Variants in HADH observed in about 807,000 individuals in gnomAD.
The protein encoded by HADH is hydroxyacyl-CoA dehydrogenase.
HADH carries 24 observed loss-of-function variants against 32.2 expected under a neutral mutation model. That is an observed-to-expected ratio of 0.75 (90% CI 0.54 to 1.05). HADH has a LOEUF of 1.05. Among genes scored for constraint, HADH ranks in the 50% least tolerant of loss-of-function variants. The pLI, the probability that HADH is intolerant of heterozygous loss-of-function variation, is 0.00. For synonymous variants in HADH, 139 were observed against 152.5 expected (o/e 0.91, Z 0.65); for missense variants, 350 against 397.1 (o/e 0.88, Z 1.01).
In HADH at chr4:107,989,892, C is replaced by G; in HGVS notation, c.-41C>G. The G allele has an allele frequency of 6.2e-7, 1 of 1,605,018 alleles. No homozygotes were observed. ...CGCGGCTGCCCGCCTCGCGCGTCTT[C>G]CCTGCCCGGGTCTCCTCGCTGTCGC... On this transcript the variant is annotated 5_prime_UTR_variant, in exon 1 of 8. Coordinates refer to ENST00000309522, the MANE Select transcript of HADH (RefSeq NM_005327.7).
intron 2 of HADH, among the ~76,000 whole-genome samples, chr4:108,010,674 A>G (rs1022091881): frequency 1.2e-4 from 18 of 152,174 alleles, no homozygotes; most frequent in African/African-American, 4.1e-4. Context: ...ATGGTAGAAT[A>G]TATAACATAA....
At chr4:108,022,165 ATATGTGTGTG>A (rs1309778941) in intron 4 of HADH, among the ~76,000 whole-genome samples, 2 of 121,240 alleles carry the variant, frequency 1.6e-5, no homozygotes, top group Non-Finnish European at 3.7e-5. Flanking sequence ...TTACATATAT[ATATGTGTGTG>A]TGTGTGTGTG....
At chr4:108,025,901 T>G (rs1231070352) in intron 5 of HADH, 1 of 152,176 alleles carries the variant, frequency 6.6e-6, no homozygotes, top group African/African-American at 2.4e-5. Flanking sequence ...GACTGTGTCT[T>G]TTCACATTCC....
At chr4:107,990,093 C>T (rs1175870197) in intron 1 of HADH, 29 bp downstream of exon 1, 1 of 1,585,386 alleles carries the variant, frequency 6.3e-7, no homozygotes, top group Non-Finnish European at 8.6e-7. Context: ...AGCGTGCCCA[C>T]GCGCTTGGCC....
intron 2 of HADH, among the ~76,000 whole-genome samples, chr4:108,011,145 C>G (rs1735481590): frequency 6.6e-6 from 1 of 152,218 alleles, no homozygotes; most frequent in Non-Finnish European, 1.5e-5. Context: ...CCACTCCCGG[C>G]CAACTTCATT....
intron 3 of HADH, among the ~76,000 whole-genome samples, chr4:108,018,460 T>G (rs1191548633): frequency 6.6e-6 from 1 of 152,160 alleles, no homozygotes; most frequent in African/African-American, 2.4e-5. Flanking sequence ...CCCTGGCATT[T>G]AAATGGCCTA....
In HADH at chr4:108,034,360, T is replaced by G. The variant is rs370169899; in HGVS notation, c.*3T>G. The stretch of plus-strand genomic sequence containing the variant: ...AAGGATTTTACAAATACAAGTGATG[T>G]GCAGCTTCTCCGGCTCTGAGAAGAA... On this transcript the variant is annotated 3_prime_UTR_variant, in exon 8 of 8. Coordinates refer to ENST00000309522, the MANE Select transcript of HADH (RefSeq NM_005327.7). The G allele has an allele frequency of 2.0e-6, 3 of 1,534,580 alleles. No individual in the cohort carries two copies. Among genetic ancestry groups the G allele is most frequent in the African/African-American group, 2.7e-5 (2 of 73,348 alleles).
Position 107,990,769 on chromosome 4 carries a change from G to A in HADH, c.132+705G>A, listed in dbSNP as rs1244424834. On this transcript the variant is annotated intron_variant, in intron 1 of 7. Coordinates refer to ENST00000309522, the MANE Select transcript of HADH (RefSeq NM_005327.7). ...TTTTTTTTTTTTTTTTTTTTTTTGA[G>A]TCGGAGTCTCTTTGACCCAGGCTGG... Among the ~76,000 whole-genome samples, 8 of 109,952 alleles carry A rather than the reference G, an allele frequency of 7.3e-5. No individual in the cohort carries two copies. The Admixed American group carries it at 7.3e-4, about 10-fold the overall frequency. 72.1% of individuals were successfully genotyped at this position (109,952 alleles called of 152,430 possible). A position where few individuals can be genotyped will look rare whatever the true frequency, so the allele number is the denominator to read the frequency against.
At position 108,004,540 on chromosome 4, in the gene HADH, T is replaced by C. The variant is rs1305913219; in HGVS notation, c.133-5219T>C. On this transcript the variant is annotated intron_variant, in intron 1 of 7. Transcript: ENST00000309522. ...AGAAACTTAGCACTTCTTGTTCTGT[T>C]TGTAGCCTCAAATCAACATGTAACC... 3.6e-6 allele frequency: 3 copies of C among 831,030 alleles called. No homozygotes were observed. The East Asian group carries it at 1.3e-4, about 35-fold the overall frequency. 51.5% of individuals were successfully genotyped at this position (831,030 alleles called of 1,614,324 possible).
At chr4:107,999,008 A>G (rs1486718260) in intron 1 of HADH, among the ~76,000 whole-genome samples, 5 of 152,232 alleles carry the variant, frequency 3.3e-5, no homozygotes, top group African/African-American at 1.2e-4. Flanking sequence ...TCTGTAGCTA[A>G]TAAGCCTGAA....
At chr4:108,009,711 G>T (rs374890724) in intron 1 of HADH, 48 bp from the exon 2 acceptor site, 1 of 1,596,386 alleles carries the variant, frequency 6.3e-7, no homozygotes, top group South Asian at 1.1e-5. Context: ...GCGCGTGCGT[G>T]TTATGTTTTC....
chr4:107,998,568 G>A (rs1485469249), intron 1 of HADH, among the ~76,000 whole-genome samples: 4 of 152,086 alleles, frequency 2.6e-5, no homozygotes, highest in Non-Finnish European at 5.9e-5. Flanking sequence ...GTGAGCTACC[G>A]CGCCCGGCTG....
At chr4:107,996,593 T>G (rs1734964633) in intron 1 of HADH, among the ~76,000 whole-genome samples, 1 of 151,996 alleles carries the variant, frequency 6.6e-6, no homozygotes, top group African/African-American at 2.4e-5. Context: ...TTAATTTAAC[T>G]GTTTGAAGAA....
intron 4 of HADH, among the ~76,000 whole-genome samples, chr4:108,023,184 G>C (rs548674162): frequency 6.6e-6 from 1 of 152,178 alleles, no homozygotes; most frequent in East Asian, 1.9e-4. Flanking sequence ...AGTAGAGATA[G>C]GGTTTCACCA....
chr4:107,998,489 A>G (rs939060595), intron 1 of HADH, among the ~76,000 whole-genome samples: 3 of 152,164 alleles, frequency 2.0e-5, no homozygotes, highest in Admixed American at 1.3e-4. Flanking sequence ...CATGTTGGTC[A>G]GGCTGGTCTC....
intron 1 of HADH, among the ~76,000 whole-genome samples, chr4:108,006,686 A>G (rs1735303854): frequency 6.6e-6 from 1 of 152,192 alleles, no homozygotes; most frequent in Non-Finnish European, 1.5e-5. Context: ...CTGCTGGTCA[A>G]TGACCCACAC....
Position 108,014,309 on chromosome 4 carries a change from A to T in HADH, c.262-122A>T. The T allele has an allele frequency of 5.0e-6, 5 of 1,004,072 alleles. No homozygotes were observed. In the Admixed American group the frequency reaches 5.2e-5, roughly 10 times the overall value. 62.2% of individuals were successfully genotyped at this position (1,004,072 alleles called of 1,614,324 possible). On this transcript the variant is annotated intron_variant, in intron 2 of 7. Coordinates refer to ENST00000309522, the MANE Select transcript of HADH (RefSeq NM_005327.7). Reference sequence around the variant, plus strand: ...GGCTTCGTGGACACTTTGAGAACAGATAGGGTAGGCCAATACAGGTGCTCT... The same window carrying T: ...GGCTTCGTGGACACTTTGAGAACAGTTAGGGTAGGCCAATACAGGTGCTCT...
At chr4:108,031,038 G>T (rs1217385237) in intron 6 of HADH, 4 of 152,194 alleles carry the variant, frequency 2.6e-5, no homozygotes, top group Admixed American at 6.5e-5. Context: ...TGCTTCTAGG[G>T]TTAATTGTCC....
intron 4 of HADH, among the ~76,000 whole-genome samples, chr4:108,022,271 A>AAT (rs10552949): frequency 2.7e-5 from 4 of 149,868 alleles, no homozygotes; most frequent in African/African-American, 9.9e-5. Context: ...CCTGTTTAAA[A>AAT]ATATATATAT....
Sources: allele counts gnomAD v4.1 joint callset (sites outside exome capture counted in the v4.1 genomes callset), GRCh38; gene constraint gnomAD v4.1.1; transcripts MANE v1.5; gene names NCBI Gene and HGNC (gene_info 2026-07-23, HGNC 2026-07-21).